UBE2G2: variants seen among roughly 807,000 people sequenced by gnomAD.
The protein encoded by UBE2G2 is ubiquitin-conjugating enzyme E2 G2.
In UBE2G2, 10 loss-of-function variants were observed where a neutral mutation model predicts 23.0. The ratio of observed to expected loss-of-function variants is 0.43; its 90% confidence interval spans 0.27 to 0.74. The LOEUF (loss-of-function observed/expected upper bound fraction) is 0.74. UBE2G2 is among the 30% of genes least tolerant of loss of function. The pLI, the probability that UBE2G2 is intolerant of heterozygous loss-of-function variation, is 0.19. For synonymous variants in UBE2G2, 86 were observed against 81.3 expected, an observed-to-expected ratio of 1.06 and a Z score of -0.31; for missense variants, 150 against 218.3, an observed-to-expected ratio of 0.69 and a Z score of 1.97.
intron 1 of UBE2G2, among the ~76,000 whole-genome samples, chr21:44,788,891 G>A (rs1195062190): frequency 2.0e-5 from 3 of 151,368 alleles, no homozygotes; most frequent in African/African-American, 7.3e-5. Flanking sequence ...ATAAATATAA[G>A]GTATAAGGAC....
chr21:44,796,482 C>T (rs1367361475), intron 1 of UBE2G2, among the ~76,000 whole-genome samples: 4 of 151,934 alleles, frequency 2.6e-5, no homozygotes, highest in Admixed American at 6.6e-5. Flanking sequence ...CCTTAAAATA[C>T]GTTATGAGGA....
At chr21:44,791,114 G>C (rs2083040007) in intron 1 of UBE2G2, among the ~76,000 whole-genome samples, 1 of 152,186 alleles carries the variant, frequency 6.6e-6, no homozygotes, top group African/African-American at 2.4e-5. Flanking sequence ...GTGGAACTTT[G>C]AACTTGAGAG....
chr21:44,790,043 T>C (rs1334346948), intron 1 of UBE2G2, among the ~76,000 whole-genome samples: 1 of 152,152 alleles, frequency 6.6e-6, no homozygotes, highest in African/African-American at 2.4e-5. Context: ...TACAGCAGCC[T>C]GAACTGACTA....
Position 44,797,714 on chromosome 21 carries a change from CAAAAAAA to C in UBE2G2, c.43+3985_43+3991del, listed in dbSNP as rs60369865. On this transcript the variant is annotated intron_variant, in intron 1 of 5. Transcript: ENST00000345496. ...TGGGCGACAGAGCAAAACTCCGTCT[CAAAAAAA>C]AAAAAAAAAAAAAAAAAAAAGAGAA... is the stretch of plus-strand genomic sequence containing the variant. 6.4e-4 allele frequency among the ~76,000 whole-genome samples: 25 copies of C among 39,322 alleles called. 1 individual carries two copies. The East Asian group carries it at 6.4e-3, about 10-fold the overall frequency. 25.8% of individuals were successfully genotyped at this position (39,322 alleles called of 152,430 possible). A position where few individuals can be genotyped will look rare whatever the true frequency, so the allele number is the denominator to read the frequency against.
chr21:44,792,819 A>C (rs1479444880), intron 1 of UBE2G2, among the ~76,000 whole-genome samples: 1 of 152,266 alleles, frequency 6.6e-6, no homozygotes, highest in Non-Finnish European at 1.5e-5. Context: ...AAGTGCTGTC[A>C]CAAGGGTGTG....
At chr21:44,778,853 C>A (rs2082933508) in intron 3 of UBE2G2, among the ~76,000 whole-genome samples, 1 of 152,188 alleles carries the variant, frequency 6.6e-6, no homozygotes, top group Admixed American at 6.5e-5. Context: ...GCAGAAAGAA[C>A]AGTCGTGCAG....
chr21:44,769,822 G>T lies in UBE2G2; in HGVS notation c.*1555C>A. The T allele has an allele frequency of 6.6e-6, 1 of 152,412 alleles. No individual in the cohort carries two copies. The allele number at this position is 152,412 out of a possible 1,614,324, so 9.4% of individuals were successfully genotyped here. A position where few individuals can be genotyped will look rare whatever the true frequency, so the allele number is the denominator to read the frequency against. ...ACAGACCACGATCCATTATGGAAGG[G>T]AGGGAGAAAAGGATCACATCAAATC... On this transcript the variant is annotated 3_prime_UTR_variant, in exon 6 of 6. Transcript: ENST00000345496.
chr21:44,799,384 T>C (rs1421586119), intron 1 of UBE2G2, among the ~76,000 whole-genome samples: 2 of 152,268 alleles, frequency 1.3e-5, no homozygotes, highest in African/African-American at 4.8e-5. Flanking sequence ...AAGGCTATTT[T>C]ACGTACCTTG....
Position 44,771,358 on chromosome 21 carries a change from G to C in UBE2G2, c.*19C>G. The C allele has an allele frequency of 6.2e-7, 1 of 1,606,564 alleles. No individual in the cohort carries two copies. Among genetic ancestry groups the C allele is most frequent in the African/African-American group, 1.3e-5 (1 of 74,916 alleles). On this transcript the variant is annotated 3_prime_UTR_variant, in exon 6 of 6. Coordinates refer to ENST00000345496, the MANE Select transcript of UBE2G2 (RefSeq NM_003343.6). This position sits in a 1 kb window ranked among gnomAD's most constrained non-coding sequence, Gnocchi z 4.6. The stretch of plus-strand genomic sequence containing the variant: ...CTGAGCTGCTTGGCGGTGTGTGCGC[G>C]CCTGTGCGAGGCCAGGTCTCACAGT...
intron 4 of UBE2G2, chr21:44,774,154 T>C (rs1555960283): frequency 6.5e-6 from 1 of 153,702 alleles, no homozygotes; most frequent in African/African-American, 2.4e-5. Context: ...ACTGGAATTA[T>C]GTAAATATCT....
In UBE2G2 at chr21:44,786,816, G is replaced by A. The variant is rs913203875; in HGVS notation, c.125+1104C>T. 5.3e-5 allele frequency among the ~76,000 whole-genome samples: 8 copies of A among 152,344 alleles called. 1 individual carries two copies. In the East Asian group the frequency reaches 1.5e-3, roughly 29 times the overall value. ...AATGAGATAACAAAGACTGGGCTTG[G>A]CGCGGTGGCTCACACCTGTTATCCC... is the stretch of plus-strand genomic sequence containing the variant. On this transcript the variant is annotated intron_variant, in intron 3 of 5. Coordinates refer to ENST00000345496, the MANE Select transcript of UBE2G2 (RefSeq NM_003343.6).
intron 3 of UBE2G2, among the ~76,000 whole-genome samples, chr21:44,786,181 T>C (rs2082994933): frequency 2.6e-5 from 4 of 152,240 alleles, no homozygotes; most frequent in Admixed American, 2.6e-4. Flanking sequence ...CCCGCTGGCA[T>C]GAGTGCAGGT....
chr21:44,774,435 A>G (rs1204170108), intron 4 of UBE2G2: 2 of 230,988 alleles, frequency 8.7e-6, no homozygotes, highest in Non-Finnish European at 1.7e-5. Flanking sequence ...GATAGACTCA[A>G]CTGTAAAATT....
chr21:44,787,407 A>G (rs532371019), intron 3 of UBE2G2, among the ~76,000 whole-genome samples: 1 of 152,336 alleles, frequency 6.6e-6, no homozygotes, highest in South Asian at 2.1e-4. Flanking sequence ...AAGTCCAGAC[A>G]AGGCAACAGA....
At chr21:44,788,186 T>A in intron 1 of UBE2G2, 91 bp from the exon 2 acceptor site, 1 of 1,263,270 alleles carries the variant, frequency 7.9e-7, no homozygotes, top group Admixed American at 2.5e-5. Context: ...TATAAGCCTA[T>A]AAACCATAGA....
Position 44,770,680 on chromosome 21 carries a change from G to C in UBE2G2, c.*697C>G, listed in dbSNP as rs2082866183. The C allele has an allele frequency of 6.6e-6, 1 of 152,224 alleles. No individual in the cohort carries two copies. Among genetic ancestry groups the C allele is most frequent in the South Asian group, 2.1e-4 (1 of 4,832 alleles). The allele number at this position is 152,224 out of a possible 1,614,324, so 9.4% of individuals were successfully genotyped here. On this transcript the variant is annotated 3_prime_UTR_variant, in exon 6 of 6. Coordinates refer to ENST00000345496, the MANE Select transcript of UBE2G2 (RefSeq NM_003343.6). ...GATCTACCTGCCTTGGCCTCCCAAA[G>C]AGCTGGGATTACAGGCACGAACCAC...
chr21:44,772,370 C>T lies in UBE2G2; in HGVS notation c.386-881G>A, dbSNP rs1336480315. Among the ~76,000 whole-genome samples, 2 of 152,138 alleles carry T rather than the reference C, an allele frequency of 1.3e-5. No individual in the cohort carries two copies. The highest frequency in any genetic ancestry group is 2.4e-5 in the African/African-American group (1 of 41,408). ...GCCCTGACCTCACATCCCTCTAGACCCCACTCCACGGCACCCAAAGGCTCT... is the reference window on the plus strand; with the variant it reads ...GCCCTGACCTCACATCCCTCTAGACTCCACTCCACGGCACCCAAAGGCTCT... On this transcript the variant is annotated intron_variant, in intron 5 of 5. Transcript: ENST00000345496. This position sits in a 1 kb window ranked among gnomAD's most constrained non-coding sequence, Gnocchi z 5.4.
chr21:44,795,310 C>G (rs1433781416), intron 1 of UBE2G2, among the ~76,000 whole-genome samples: 3 of 151,840 alleles, frequency 2.0e-5, no homozygotes, highest in African/African-American at 7.3e-5. Context: ...CTCAGTAAGA[C>G]TGCTATACAC....
At chr21:44,774,698 G>A in intron 4 of UBE2G2, 1 of 456,314 alleles carries the variant, frequency 2.2e-6, no homozygotes, top group Middle Eastern at 3.3e-4. Flanking sequence ...AAGGAGAGTG[G>A]AAGAAACTAG....
Sources: allele counts gnomAD v4.1 joint callset (sites outside exome capture counted in the v4.1 genomes callset), GRCh38; gene constraint gnomAD v4.1.1; non-coding constraint Gnocchi (gnomAD v3.1); transcripts MANE v1.5; gene names NCBI Gene and HGNC (gene_info 2026-07-23, HGNC 2026-07-21).